CEACAM6: variants seen among roughly 807,000 people sequenced by gnomAD.
The protein encoded by CEACAM6 is cell adhesion molecule CEACAM6.
A neutral mutation model predicts 32.4 loss-of-function variants in CEACAM6; 21 were observed. The ratio of observed to expected loss-of-function variants is 0.65; its 90% CI spans 0.46 to 0.93. The LOEUF (loss-of-function observed/expected upper bound fraction) is 0.93. CEACAM6 is among the 40% of genes least tolerant of loss of function. The pLI, the probability that CEACAM6 is intolerant of heterozygous loss-of-function variation, is 0.00. For missense variants in CEACAM6, 406 were observed against 432.2 expected (o/e 0.94, Z 0.54); for synonymous variants, 184 against 174.4 (o/e 1.06, Z -0.43).
chr19:41,762,096 C>G lies in CEACAM6; in HGVS notation c.831C>G (p.Phe277Leu). ...AQYSWFINGT[F>L]QQSTQELFIP... ...ACTCTTGGTTTATCAATGGGACGTT[C>G]CAGCAATCCACACAAGAGCTCTTTA... is the stretch of plus-strand genomic sequence containing the variant. The change falls in exon 4 of 6, where the codon TTC (phenylalanine) becomes TTG (leucine). Residue 277 changes from phenylalanine (F) to leucine (L), a missense_variant. By Grantham distance (22) the Phe-to-Leu change is conservative. Coordinates refer to ENST00000199764, the MANE Select transcript of CEACAM6 (RefSeq NM_002483.7). 6.2e-7 allele frequency: 1 copy of G among 1,614,162 alleles called. No homozygotes were observed. Among genetic ancestry groups the G allele is most frequent in the Non-Finnish European group, 8.5e-7 (1 of 1,180,026 alleles).
At position 41,761,433 on chromosome 19, in the gene CEACAM6, C is replaced by T; in HGVS notation, c.609C>T (p.Leu203=). 1 of 1,614,218 alleles carries T rather than the reference C, an allele frequency of 6.2e-7. No individual in the cohort carries two copies. The highest frequency in any genetic ancestry group is 1.7e-5 in the Admixed American group (1 of 60,034). The change falls in exon 3 of 6, where the codon CTC becomes CTT. Residue 203 remains leucine (L), a synonymous_variant. Transcript: ENST00000199764. ...ATGGCAACATGACCCTCACTCTACT[C>T]AGCGTCAAAAGGAACGATGCAGGAT... ...LSNGNMTLTL[L]SVKRNDAGSY...
rs184633710 is a variant in CEACAM6, at chr19:41,756,235, G to T, written c.65-365G>T. Reference sequence around the variant, plus strand: ...CAGGTGTTGACAAGAGCCCTGGAAGGAACAGAGCAGGGAAAGGTCAGAAAG... The same window carrying T: ...CAGGTGTTGACAAGAGCCCTGGAAGTAACAGAGCAGGGAAAGGTCAGAAAG... On this transcript the variant is annotated intron_variant, in intron 1 of 5. Transcript: ENST00000199764. Among the ~76,000 whole-genome samples the T allele has an allele frequency of 1.6e-4, 24 of 152,226 alleles. No individual in the cohort carries two copies. In the East Asian group the frequency reaches 3.7e-3, roughly 23 times the overall value.
chr19:41,761,289 C>T lies in CEACAM6; in HGVS notation c.465C>T (p.Asn155=), dbSNP rs537042421. 7.4e-6 allele frequency: 12 copies of T among 1,614,214 alleles called. No homozygotes were observed. Among genetic ancestry groups the T allele is most frequent in the African/African-American group, 4.0e-5 (3 of 75,048 alleles). ...CCTCCATCTCCAGCAACAACTCCAA[C>T]CCCGTGGAGGACAAGGATGCTGTGG... The part of the protein sequence containing the change: ...PKPSISSNNS[N]PVEDKDAVAF... Residue 155 remains asparagine, a synonymous_variant, in exon 3 of 6, where the codon AAC becomes AAT. Coordinates refer to ENST00000199764, the MANE Select transcript of CEACAM6 (RefSeq NM_002483.7).
intron 4 of CEACAM6, among the ~76,000 whole-genome samples, chr19:41,762,806 T>C (rs2072934815): frequency 6.6e-6 from 1 of 152,158 alleles, no homozygotes; most frequent in South Asian, 2.1e-4. Flanking sequence ...TGCCCAGGTG[T>C]CTGTCCTGAA....
At position 41,766,235 on chromosome 19, in the gene CEACAM6, G is replaced by A. The variant is rs1555822386; in HGVS notation, c.1011G>A (p.Val337=). The A allele has an allele frequency of 4.4e-6, 7 of 1,604,986 alleles. No individual in the cohort carries two copies. Among genetic ancestry groups the A allele is most frequent in the Middle Eastern group, 1.7e-4 (1 of 6,050 alleles). The part of the protein sequence containing the change: ...AVATVGITIG[V]LARVALI ...CCACCGTCGGCATCACGATTGGAGT[G>A]CTGGCCAGGGTGGCTCTGATATAGC... is the stretch of plus-strand genomic sequence containing the variant. The change falls in exon 5 of 6, where the codon GTG becomes GTA. Residue 337 remains valine (V), a synonymous_variant. Transcript: ENST00000199764.
intron 2 of CEACAM6, among the ~76,000 whole-genome samples, chr19:41,758,792 C>A (rs550815820): frequency 6.6e-6 from 1 of 152,346 alleles, no homozygotes; most frequent in African/African-American, 2.4e-5. Flanking sequence ...TGTCCTGTTC[C>A]CTTCCTGCTC....
intron 5 of CEACAM6, among the ~76,000 whole-genome samples, chr19:41,769,712 CA>C (rs1172594150): frequency 1.2e-3 from 153 of 131,110 alleles, no homozygotes; most frequent in African/African-American, 3.6e-3. Context: ...GTTATTTGCA[CA>C]AAAAATATAG....
chr19:41,768,920 G>A (rs557085360), intron 5 of CEACAM6, among the ~76,000 whole-genome samples: 30 of 152,174 alleles, frequency 2.0e-4, no homozygotes, highest in African/African-American at 6.5e-4. Flanking sequence ...TTTTTGTTTT[G>A]TTTTGTTTGG....
Position 41,761,508 on chromosome 19 carries a change from A to G in CEACAM6, c.684A>G (p.Pro228=). The change falls in exon 3 of 6, where the codon CCA becomes CCG. Residue 228 remains proline, a synonymous_variant. Coordinates refer to ENST00000199764, the MANE Select transcript of CEACAM6 (RefSeq NM_002483.7). ...CAGCGAGTGCCAACCGCAGTGACCCAGTCACCCTGAATGTCCTCTGTGAGT... is the reference window on the plus strand; with the variant it reads ...CAGCGAGTGCCAACCGCAGTGACCCGGTCACCCTGAATGTCCTCTGTGAGT... ...QNPASANRSD[P]VTLNVLYGPD... The G allele has an allele frequency of 6.2e-7, 1 of 1,614,186 alleles. No individual in the cohort carries two copies.
intron 3 of CEACAM6, 83 bp from the exon 4 acceptor site, chr19:41,761,886 G>A: frequency 8.5e-6 from 13 of 1,530,948 alleles, no homozygotes; most frequent in East Asian, 4.5e-5. Flanking sequence ...ATGGCTCAGG[G>A]GGACACCGTG....
rs554512955 is a variant in CEACAM6 at position 41,768,147 on chromosome 19, G to A, written c.*40+1848G>A. Among the ~76,000 whole-genome samples, 129 of 152,028 alleles carry A rather than the reference G, an allele frequency of 8.5e-4. 2 individuals carry two copies. The highest frequency in any genetic ancestry group is 3.0e-3 in the African/African-American group (123 of 41,420). On this transcript the variant is annotated intron_variant, in intron 5 of 5. Coordinates refer to ENST00000199764, the MANE Select transcript of CEACAM6 (RefSeq NM_002483.7). ...TTCTCGCAGAGGGGGATTTGGCAGG[G>A]TCATAGGACAATAGTGGAGGGAAGG...
At chr19:41,763,362 G>A (rs782373157) in intron 4 of CEACAM6, among the ~76,000 whole-genome samples, 1 of 152,130 alleles carries the variant, frequency 6.6e-6, no homozygotes, top group South Asian at 2.1e-4. Flanking sequence ...CCCATCTCCA[G>A]GATGTCCTTA....
Position 41,755,722 on chromosome 19 carries a change from G to T in CEACAM6, c.64+20G>T. On this transcript the variant is annotated intron_variant, in intron 1 of 5. Transcript: ENST00000199764. ...TCACAGGTGAGGGGAGGACTCCCTC[G>T]GAGTGGATGGGAGGAGGGAGCACAG... 1 of 1,586,402 alleles carries T rather than the reference G, an allele frequency of 6.3e-7. No individual in the cohort carries two copies. The highest frequency in any genetic ancestry group is 8.6e-7 in the Non-Finnish European group (1 of 1,165,598).
intron 5 of CEACAM6, among the ~76,000 whole-genome samples, chr19:41,769,978 T>C (rs1381172724): frequency 1.3e-5 from 2 of 151,336 alleles, no homozygotes; most frequent in Non-Finnish European, 2.9e-5. Flanking sequence ...TGGGATGTTA[T>C]ATTTGGGAAT....
rs191699288 is a variant in CEACAM6 at position 41,761,633 on chromosome 19, C to T, written c.703+106C>T. 520 of 1,548,030 alleles carry T rather than the reference C, an allele frequency of 3.4e-4. 3 individuals are homozygous for T. The African/African-American group carries it at 6.3e-3, about 19-fold the overall frequency. ...CAGGTCTAAGGACTCAGACCCTCAC[C>T]CAGGCTGGCCATGACTTCCTGCCCT... On this transcript the variant is annotated intron_variant, in intron 3 of 5. Transcript: ENST00000199764.
chr19:41,768,078 T>C (rs1555822541), intron 5 of CEACAM6, among the ~76,000 whole-genome samples: 1 of 151,876 alleles, frequency 6.6e-6, no homozygotes, highest in Non-Finnish European at 1.5e-5. Flanking sequence ...TTTATTTTTA[T>C]TTTTATTTAT....
chr19:41,766,323 A>G, intron 5 of CEACAM6, 24 bp downstream of exon 5: 1 of 1,281,504 alleles, frequency 7.8e-7, no homozygotes. Flanking sequence ...TCCTCTTGCC[A>G]TGTTTCCTGC....
intron 5 of CEACAM6, among the ~76,000 whole-genome samples, chr19:41,766,739 GCTTAT>G (rs1555822431): frequency 2.6e-5 from 4 of 152,098 alleles, no homozygotes; most frequent in Non-Finnish European, 5.9e-5. Context: ...AGGCACAGTG[GCTTAT>G]GCCTGTAATC....
intron 2 of CEACAM6, 92 bp from the exon 3 acceptor site, chr19:41,761,157 G>T: frequency 6.3e-7 from 1 of 1,591,988 alleles, no homozygotes; most frequent in African/African-American, 1.3e-5. Flanking sequence ...CAAGGGGGCT[G>T]AGAGGTGAGA....
Sources: gnomAD v4.1 joint callset for allele counts (sites outside exome capture counted in the v4.1 genomes callset) on GRCh38, gnomAD v4.1.1 for gene constraint, MANE v1.5 for transcripts, NCBI Gene and HGNC (gene_info 2026-07-23, HGNC 2026-07-21) for gene names.